The following CREB3L1 variants were observed in gnomAD, a reference collection of about 807,000 sequenced individuals.
CREB3L1 encodes cyclic AMP-responsive element-binding protein 3-like protein 1.
A neutral mutation model predicts 54.5 loss-of-function variants in CREB3L1; 33 were observed. The ratio of observed to expected loss-of-function variants is 0.61; its 90% confidence interval spans 0.46 to 0.81. CREB3L1 has a LOEUF of 0.81. Among genes scored for constraint, CREB3L1 ranks in the 30% least tolerant of loss-of-function variants. The pLI is 0.00. For missense variants in CREB3L1, 656 were observed against 673.3 expected (o/e 0.97, Z 0.29); for synonymous variants, 284 against 286.4 (o/e 0.99, Z 0.08).
chr11:46,312,597 G>A lies in CREB3L1; in HGVS notation c.904-15G>A. On this transcript the variant is annotated splice_polypyrimidine_tract_variant and intron_variant, in intron 6 of 11. Coordinates refer to ENST00000621158, the MANE Select transcript of CREB3L1 (RefSeq NM_052854.4). ...GTGGCAGTGCTAACCCTTGTTTTCG[G>A]GCCTCCCCCTCTAGATCTCAGCCCA... 6.2e-7 allele frequency: 1 copy of A among 1,610,368 alleles called. No homozygotes were observed. The highest frequency in any genetic ancestry group is 8.5e-7 in the Non-Finnish European group (1 of 1,178,280).
At chr11:46,312,550 G>A in intron 6 of CREB3L1, 62 bp from the exon 7 acceptor site, 1 of 1,606,524 alleles carries the variant, frequency 6.2e-7, no homozygotes, top group Non-Finnish European at 8.5e-7. Flanking sequence ...CTCTGAAATT[G>A]GGGGGCCCAG....
In CREB3L1 at chr11:46,295,872, A is replaced by G. The variant is rs1939204148; in HGVS notation, c.103-4063A>G. On this transcript the variant is annotated intron_variant, in intron 1 of 11. Coordinates refer to ENST00000621158, the MANE Select transcript of CREB3L1 (RefSeq NM_052854.4). The surrounding 1 kb of genome is among the most constrained non-coding windows in gnomAD (Gnocchi z 4.6). ...AAGAGGGGTACGCAGGTCTGCAAGC[A>G]GGAGAGCTCGGGAACCTCTCCTCCA... Among the ~76,000 whole-genome samples, 1 of 152,258 alleles carries G rather than the reference A, an allele frequency of 6.6e-6. No individual in the cohort carries two copies. The highest frequency in any genetic ancestry group is 2.1e-4 in the South Asian group (1 of 4,834).
At chr11:46,291,547 G>A (rs915115661) in intron 1 of CREB3L1, among the ~76,000 whole-genome samples, 2 of 152,200 alleles carry the variant, frequency 1.3e-5, no homozygotes, top group East Asian at 3.9e-4. Flanking sequence ...GCCTCTTCAC[G>A]TAAGAGGGGG....
chr11:46,307,766 G>A (rs1939420479), intron 2 of CREB3L1, 50 bp from the exon 3 acceptor site: 1 of 1,448,460 alleles, frequency 6.9e-7, no homozygotes, highest in African/African-American at 1.4e-5. Context: ...GGCAGGCAGG[G>A]GGCTGAGACC....
chr11:46,286,853 C>T (rs555609215), intron 1 of CREB3L1, among the ~76,000 whole-genome samples: 1 of 152,118 alleles, frequency 6.6e-6, no homozygotes, highest in East Asian at 1.9e-4. Flanking sequence ...GAAAAGAAAA[C>T]ACACTCGGTT....
At position 46,277,851 on chromosome 11, in the gene CREB3L1, G is replaced by A. The variant is rs1445794849; in HGVS notation, c.-261G>A. The A allele has an allele frequency of 2.9e-6, 1 of 349,100 alleles. No homozygotes were observed. The highest frequency in any genetic ancestry group is 2.1e-5 in the African/African-American group (1 of 47,092). The allele number at this position is 349,100 out of a possible 1,614,324, so 21.6% of individuals were successfully genotyped here. On this transcript the variant is annotated 5_prime_UTR_variant, in exon 1 of 12. Transcript: ENST00000621158. Reference sequence around the variant, plus strand: ...CAGCTGTGCCCCAGGAGGAGCAGGAGGAGGTGGAGTCGGCTGAATGCCCAC... The same window carrying A: ...CAGCTGTGCCCCAGGAGGAGCAGGAAGAGGTGGAGTCGGCTGAATGCCCAC...
At chr11:46,308,085 C>T (rs753897527) in intron 3 of CREB3L1, 85 bp downstream of exon 3, 1 of 1,243,296 alleles carries the variant, frequency 8.0e-7, no homozygotes, top group African/African-American at 1.5e-5. Context: ...GCCCTGTGCC[C>T]TGGGGCTCTG....
intron 5 of CREB3L1, 91 bp downstream of exon 5, chr11:46,311,280 C>A: frequency 7.2e-7 from 1 of 1,392,386 alleles, no homozygotes. Context: ...TTGGGGAGCC[C>A]CGAGACTGAT....
At chr11:46,305,720 G>GTT (rs1566187824) in intron 2 of CREB3L1, among the ~76,000 whole-genome samples, 1 of 119,836 alleles carries the variant, frequency 8.3e-6, no homozygotes, top group African/African-American at 3.9e-5. Context: ...GTGTGTGTGT[G>GTT]TGTGTGTGTG....
intron 1 of CREB3L1, among the ~76,000 whole-genome samples, chr11:46,284,499 A>G (rs1939027103): frequency 6.6e-6 from 1 of 151,824 alleles, no homozygotes. Context: ...AAAAATACCA[A>G]AAAAATTAGC....
Position 46,295,540 on chromosome 11 carries a change from G to A in CREB3L1, c.103-4395G>A, listed in dbSNP as rs1285097377. On this transcript the variant is annotated intron_variant, in intron 1 of 11. Transcript: ENST00000621158. The surrounding 1 kb of genome is among the most constrained non-coding windows in gnomAD (Gnocchi z 4.6). Reference sequence around the variant, plus strand: ...CGCAGAAGGGGTCCCATGCAGGCCCGAGCCAGTGCACCCTGCGCTCCCTCA... The same window carrying A: ...CGCAGAAGGGGTCCCATGCAGGCCCAAGCCAGTGCACCCTGCGCTCCCTCA... Among the ~76,000 whole-genome samples, 3 of 152,180 alleles carry A rather than the reference G, an allele frequency of 2.0e-5. No individual in the cohort carries two copies. The highest frequency in any genetic ancestry group is 6.5e-5 in the Admixed American group (1 of 15,290).
chr11:46,289,262 C>T (rs1939100297), intron 1 of CREB3L1, among the ~76,000 whole-genome samples: 1 of 152,064 alleles, frequency 6.6e-6, no homozygotes, highest in Non-Finnish European at 1.5e-5. Flanking sequence ...TCCTGTAGTC[C>T]CAGCTACTTG....
rs73461894 is a variant in CREB3L1, at chr11:46,308,234, C to T, written c.516+234C>T. ...GCCCCCTTGGAGTAACTGAGGCTCT[C>T]GTCTGTGCAGAAAAAGACAGCTTGC... On this transcript the variant is annotated intron_variant, in intron 3 of 11. Transcript: ENST00000621158. Among the ~76,000 whole-genome samples the T allele has an allele frequency of 3.4e-3, 522 of 152,148 alleles. 6 individuals are homozygous for T. Among genetic ancestry groups the T allele is most frequent in the African/African-American group, 0.012 (495 of 41,526 alleles).
At chr11:46,305,620 A>G (rs1384788493) in intron 2 of CREB3L1, among the ~76,000 whole-genome samples, 4 of 116,968 alleles carry the variant, frequency 3.4e-5, no homozygotes, top group Non-Finnish European at 5.6e-5. Flanking sequence ...GTGTGTGTGT[A>G]TATATATGTA....
Position 46,300,385 on chromosome 11 carries a change from G to A in CREB3L1, c.331+222G>A, listed in dbSNP as rs539946030. On this transcript the variant is annotated intron_variant, in intron 2 of 11. Transcript: ENST00000621158. The stretch of plus-strand genomic sequence containing the variant: ...AAGGGTTTTTTGCTGACTTAAGTCA[G>A]TGGTTTACAAAGTGTGGTTCCCAGA... Among the ~76,000 whole-genome samples the A allele has an allele frequency of 2.0e-5, 3 of 152,350 alleles. No individual in the cohort carries two copies. The South Asian group carries it at 6.2e-4, about 32-fold the overall frequency.
At position 46,307,835 on chromosome 11, in the gene CREB3L1, G is replaced by T; in HGVS notation, c.351G>T (p.Trp117Cys). 1 of 1,578,726 alleles carries T rather than the reference G, an allele frequency of 6.3e-7. No homozygotes were observed. The highest frequency in any genetic ancestry group is 8.6e-7 in the Non-Finnish European group (1 of 1,162,268). Residue 117 changes from tryptophan to cysteine, a missense_variant, in exon 3 of 12, where the codon TGG becomes TGT. Trp to Cys is a radical substitution (Grantham distance 215, BLOSUM62 -2). Transcript: ENST00000621158. The part of the protein sequence containing the change: ...DTTQDAEHGA[W>C]ALGHKLCSIM... ...CCCTAGATGCAGAGCATGGAGCATG[G>T]GCGCTGGGACACAAACTGTGCTCCA...
rs191651299 is a variant in CREB3L1 at position 46,278,427 on chromosome 11, G to A, written c.102+214G>A. Among the ~76,000 whole-genome samples the A allele has an allele frequency of 7.6e-4, 116 of 152,320 alleles. No individual in the cohort carries two copies. Among genetic ancestry groups the A allele is most frequent in the African/African-American group, 2.7e-3 (112 of 41,574 alleles). ...CTGGCCTCCACCTTCTAGGGGGAAG[G>A]GGCCATCGAGGTATCGGGTCCGTCC... On this transcript the variant is annotated intron_variant, in intron 1 of 11. Coordinates refer to ENST00000621158, the MANE Select transcript of CREB3L1 (RefSeq NM_052854.4). This position sits in a 1 kb window ranked among gnomAD's most constrained non-coding sequence, Gnocchi z 4.2.
intron 2 of CREB3L1, among the ~76,000 whole-genome samples, chr11:46,302,830 A>C (rs1939322688): frequency 6.6e-6 from 1 of 152,058 alleles, no homozygotes; most frequent in African/African-American, 2.4e-5. Flanking sequence ...AAAATACAAA[A>C]ATTCACCAGG....
Position 46,278,998 on chromosome 11 carries a change from C to G in CREB3L1, c.102+785C>G, listed in dbSNP as rs770882704. ...GCTTCTCTCTCTTCTTCCCTCCCTC[C>G]CTCTCTCAGGCTCAGCCCTAAGGCC... is the stretch of plus-strand genomic sequence containing the variant. On this transcript the variant is annotated intron_variant, in intron 1 of 11. Transcript: ENST00000621158. The surrounding 1 kb of genome is among the most constrained non-coding windows in gnomAD (Gnocchi z 4.2). Among the ~76,000 whole-genome samples, 25 of 152,222 alleles carry G rather than the reference C, an allele frequency of 1.6e-4. No homozygotes were observed. Among genetic ancestry groups the G allele is most frequent in the Non-Finnish European group, 3.5e-4 (24 of 68,038 alleles).
Sources: gnomAD v4.1 joint callset for allele counts (sites outside exome capture counted in the v4.1 genomes callset) on GRCh38, gnomAD v4.1.1 for gene constraint, Gnocchi (gnomAD v3.1) non-coding constraint, MANE v1.5 for transcripts, NCBI Gene and HGNC (gene_info 2026-07-23, HGNC 2026-07-21) for gene names.